HS6ST3: variants seen among roughly 807,000 people sequenced by gnomAD.
HS6ST3 encodes the protein heparan sulfate 6-O-sulfotransferase 3.
Under a neutral mutation model 36.7 loss-of-function variants are expected in HS6ST3, and 12 were observed. That is an observed-to-expected ratio of 0.33 (90% confidence interval 0.21 to 0.53). The LOEUF (loss-of-function observed/expected upper bound fraction) is 0.53. Among genes scored for constraint, HS6ST3 ranks in the 20% least tolerant of loss-of-function variants. HS6ST3 has a pLI of 0.95. For synonymous variants in HS6ST3, 240 were observed against 257.5 expected, an observed-to-expected ratio of 0.93 and a Z score of 0.65; for missense variants, 584 against 640.9, an observed-to-expected ratio of 0.91 and a Z score of 0.96.
intron 1 of HS6ST3, among the ~76,000 whole-genome samples, chr13:96,422,591 A>G (rs1286603737): frequency 6.6e-6 from 1 of 152,190 alleles, no homozygotes; most frequent in Admixed American, 6.5e-5. Flanking sequence ...AATTGCCACT[A>G]TGTGATAGGT....
rs141976138 is a variant in HS6ST3, at chr13:96,792,802, A to T, written c.708-39688A>T. On this transcript the variant is annotated intron_variant, in intron 1 of 1. Transcript: ENST00000376705. ...TGGCAGCCTGGCAGTTTGACTAGAA[A>T]ATTTTGATTCTGCATTATCATGCCT... Among the ~76,000 whole-genome samples, 194 of 152,074 alleles carry T rather than the reference A, an allele frequency of 1.3e-3. 1 individual carries two copies. Among genetic ancestry groups the T allele is most frequent in the African/African-American group, 4.5e-3 (186 of 41,498 alleles).
At chr13:96,741,317 T>A (rs1876433287) in intron 1 of HS6ST3, among the ~76,000 whole-genome samples, 1 of 152,212 alleles carries the variant, frequency 6.6e-6, no homozygotes, top group Non-Finnish European at 1.5e-5. Context: ...TTCAAAAGAA[T>A]CAGCTTCTTG....
At chr13:96,398,508 C>G (rs1208818549) in intron 1 of HS6ST3, among the ~76,000 whole-genome samples, 2 of 152,120 alleles carry the variant, frequency 1.3e-5, no homozygotes, top group African/African-American at 4.8e-5. Flanking sequence ...GAACTCCTGA[C>G]CTCAAGTGAC....
chr13:96,570,119 A>G (rs1463223994), intron 1 of HS6ST3, among the ~76,000 whole-genome samples: 5 of 152,230 alleles, frequency 3.3e-5, no homozygotes, highest in Non-Finnish European at 1.5e-5. Flanking sequence ...TAATAATTAC[A>G]GGCACATTAG....
At chr13:96,450,300 G>T (rs1351675700) in intron 1 of HS6ST3, among the ~76,000 whole-genome samples, 1 of 152,028 alleles carries the variant, frequency 6.6e-6, no homozygotes, top group Admixed American at 6.6e-5. Context: ...TTTCCCACTG[G>T]TATTTGCCAT....
chr13:96,414,980 T>C (rs2055526023), intron 1 of HS6ST3, among the ~76,000 whole-genome samples: 1 of 152,230 alleles, frequency 6.6e-6, no homozygotes, highest in Admixed American at 6.5e-5. Context: ...AATGAGATCA[T>C]TTTAAAAGAA....
At chr13:96,102,098 T>C (rs183363141) in intron 1 of HS6ST3, among the ~76,000 whole-genome samples, 4 of 152,296 alleles carry the variant, frequency 2.6e-5, no homozygotes, top group East Asian at 1.9e-4. Context: ...TATTTTTTTT[T>C]CCCCACACAG....
intron 1 of HS6ST3, among the ~76,000 whole-genome samples, chr13:96,530,274 C>T (rs1349790671): frequency 2.0e-5 from 3 of 152,104 alleles, no homozygotes; most frequent in Non-Finnish European, 4.4e-5. Context: ...TCTTAAGATT[C>T]CTAGGGATTA....
chr13:96,321,191 G>A (rs1236292714), intron 1 of HS6ST3, among the ~76,000 whole-genome samples: 4 of 151,500 alleles, frequency 2.6e-5, no homozygotes, highest in Non-Finnish European at 5.9e-5. Context: ...ATTTAAAAAT[G>A]TGCTTCAGTC....
intron 1 of HS6ST3, among the ~76,000 whole-genome samples, chr13:96,665,795 T>C (rs1324284123): frequency 6.6e-6 from 1 of 152,184 alleles, no homozygotes; most frequent in Non-Finnish European, 1.5e-5. Context: ...CAGGAATAGT[T>C]TAATACTTTA....
intron 1 of HS6ST3, among the ~76,000 whole-genome samples, chr13:96,477,913 A>G (rs1191914970): frequency 2.6e-5 from 4 of 151,990 alleles, no homozygotes; most frequent in South Asian, 2.1e-4. Context: ...ATATTGTATT[A>G]CCAATTTGCT....
At chr13:96,201,493 G>T (rs555663638) in intron 1 of HS6ST3, among the ~76,000 whole-genome samples, 1 of 152,252 alleles carries the variant, frequency 6.6e-6, no homozygotes, top group East Asian at 1.9e-4. Context: ...TATGTTTTCT[G>T]CCATTGCATG....
At chr13:96,726,734 T>C (rs1876014814) in intron 1 of HS6ST3, among the ~76,000 whole-genome samples, 1 of 152,230 alleles carries the variant, frequency 6.6e-6, no homozygotes. Flanking sequence ...TTTAAGATTT[T>C]TGGAAGATAT....
chr13:96,458,068 T>C (rs1309085548), intron 1 of HS6ST3, among the ~76,000 whole-genome samples: 1 of 152,228 alleles, frequency 6.6e-6, no homozygotes, highest in African/African-American at 2.4e-5. Context: ...TAAGACCCAA[T>C]TTGCCTACTA....
At chr13:96,396,759 C>A (rs2055423820) in intron 1 of HS6ST3, among the ~76,000 whole-genome samples, 1 of 152,164 alleles carries the variant, frequency 6.6e-6, no homozygotes, top group Non-Finnish European at 1.5e-5. Flanking sequence ...AATGGGTGTC[C>A]TCTTAGCAAA....
At chr13:96,133,362 G>T (rs1023657053) in intron 1 of HS6ST3, among the ~76,000 whole-genome samples, 1 of 150,956 alleles carries the variant, frequency 6.6e-6, no homozygotes, top group South Asian at 2.1e-4. Context: ...TCCTGACCTC[G>T]TGATCCGCCC....
At chr13:96,100,716 A>G (rs915135361) in intron 1 of HS6ST3, among the ~76,000 whole-genome samples, 2 of 152,178 alleles carry the variant, frequency 1.3e-5, no homozygotes, top group African/African-American at 4.8e-5. Flanking sequence ...GAGTGAATCC[A>G]CTTAGAAGCT....
intron 1 of HS6ST3, among the ~76,000 whole-genome samples, chr13:96,397,403 C>A (rs2055427710): frequency 6.6e-6 from 1 of 151,764 alleles, no homozygotes; most frequent in African/African-American, 2.4e-5. Flanking sequence ...TTGTGTAATC[C>A]ATTTTTGTCT....
At chr13:96,302,450 A>AT in intron 1 of HS6ST3, among the ~76,000 whole-genome samples, 1 of 152,186 alleles carries the variant, frequency 6.6e-6, no homozygotes, top group Non-Finnish European at 1.5e-5. Context: ...AAGGATAAGT[A>AT]GGTATTCAAA....
Sources: allele counts gnomAD v4.1 joint callset (sites outside exome capture counted in the v4.1 genomes callset), GRCh38; gene constraint gnomAD v4.1.1; transcripts MANE v1.5; gene names NCBI Gene and HGNC (gene_info 2026-07-23, HGNC 2026-07-21).